Variants in PPP1R1B observed in about 807,000 individuals in gnomAD.
PPP1R1B encodes protein phosphatase 1 regulatory inhibitor subunit 1B.
In PPP1R1B, 13 loss-of-function variants were observed where a neutral mutation model predicts 28.2. That is an observed-to-expected ratio of 0.46 (90% CI 0.30 to 0.73). The LOEUF (loss-of-function observed/expected upper bound fraction) is 0.73, where lower values mean the gene tolerates loss of function less well. Ranked by LOEUF, PPP1R1B falls within the 30% of genes least tolerant of loss-of-function variation. PPP1R1B has a pLI of 0.07. For missense variants in PPP1R1B, 236 were observed against 256.7 expected (o/e 0.92, Z 0.55); for synonymous variants, 102 against 97.5 (o/e 1.05, Z -0.27).
chr17:39,628,048 G>A (rs541126736), intron 1 of PPP1R1B, among the ~76,000 whole-genome samples: 1 of 152,210 alleles, frequency 6.6e-6, no homozygotes, highest in African/African-American at 2.4e-5. Context: ...GGAGAGGTGG[G>A]GAGTCATCAC....
intron 1 of PPP1R1B, 87 bp from the exon 2 acceptor site, chr17:39,629,083 C>A: frequency 7.7e-7 from 1 of 1,302,842 alleles, no homozygotes; most frequent in Non-Finnish European, 1.1e-6. Context: ...TCCCTGGGGA[C>A]TCCAAAGCAC....
At chr17:39,634,853 C>A (rs938243211) in intron 5 of PPP1R1B, among the ~76,000 whole-genome samples, 8 of 152,202 alleles carry the variant, frequency 5.3e-5, no homozygotes, top group Admixed American at 6.5e-5. Context: ...CTCACTGAGA[C>A]CCCTCCAAAA....
At chr17:39,634,822 G>C (rs1370674264) in intron 5 of PPP1R1B, among the ~76,000 whole-genome samples, 1 of 152,246 alleles carries the variant, frequency 6.6e-6, no homozygotes, top group Non-Finnish European at 1.5e-5. Context: ...GCAAGAGACA[G>C]CTGGAAGACC....
In PPP1R1B at chr17:39,635,711, G is replaced by A. The variant is rs746964011; in HGVS notation, c.550G>A (p.Asp184Asn). 3.7e-6 allele frequency: 6 copies of A among 1,614,038 alleles called. No individual in the cohort carries two copies. Among genetic ancestry groups the A allele is most frequent in the Non-Finnish European group, 5.1e-6 (6 of 1,180,028 alleles). ...TGGAGGCTCTGAGGACCAAGTGGAA[G>A]ACCCAGCACTAAGTGGTAAGGCTTG... The part of the protein sequence containing the change: ...RDGGSEDQVE[D>N]PALSEPGEEP... Residue 184 changes from aspartate to asparagine, a missense_variant, in exon 6 of 7, where the codon GAC becomes AAC. Transcript: ENST00000254079.
At chr17:39,629,077 T>C (rs2056856825) in intron 1 of PPP1R1B, 93 bp from the exon 2 acceptor site, 2 of 1,195,980 alleles carry the variant, frequency 1.7e-6, no homozygotes, top group East Asian at 4.9e-5. Flanking sequence ...AAAGGTTCCC[T>C]GGGGACTCCA....
In PPP1R1B at chr17:39,627,469, A is replaced by C; in HGVS notation, c.77A>C (p.Glu26Ala). ...AGCCAGCTCGACCCCCGCCAGGTGG[A>C]GATGGTAAGGGGCCCGTGCCCCACC... is the stretch of plus-strand genomic sequence containing the variant. ...PPSQLDPRQV[E>A]MIRRRRPTPA... Residue 26 changes from glutamate to alanine, a missense_variant, in exon 1 of 7, where the codon GAG becomes GCG. Transcript: ENST00000254079. 7.0e-6 allele frequency: 11 copies of C among 1,572,838 alleles called. No individual in the cohort carries two copies. Among genetic ancestry groups the C allele is most frequent in the Non-Finnish European group, 9.5e-6 (11 of 1,156,026 alleles).
chr17:39,630,787 G>A (rs572703207), intron 4 of PPP1R1B, among the ~76,000 whole-genome samples: 12 of 152,244 alleles, frequency 7.9e-5, no homozygotes, highest in African/African-American at 2.9e-4. Flanking sequence ...TGAGCTAAGC[G>A]GGCCGGGCGC....
chr17:39,629,363 C>G (rs1355050778), intron 2 of PPP1R1B, 133 bp downstream of exon 2: 13 of 1,255,030 alleles, frequency 1.0e-5, no homozygotes, highest in Admixed American at 1.7e-5. Flanking sequence ...GAACCCAACT[C>G]TATTGGCTTT....
rs2056843454 is a variant in PPP1R1B, at chr17:39,627,174, CCCG to C, written c.-218_-216del. 4 of 481,954 alleles carry C rather than the reference CCCG, an allele frequency of 8.3e-6. No homozygotes were observed. Among genetic ancestry groups the C allele is most frequent in the Non-Finnish European group, 1.5e-5 (4 of 275,140 alleles). The allele number at this position is 481,954 out of a possible 1,614,324, so 29.9% of individuals were successfully genotyped here. On this transcript the variant is annotated 5_prime_UTR_variant, in exon 1 of 7. Coordinates refer to ENST00000254079, the MANE Select transcript of PPP1R1B (RefSeq NM_032192.4). ...GGCTCAGCGAGCGCGGGGGGCGAGCCCCGAGTCCCGAGAGCCTGGGGGCGCGCC... is the reference window on the plus strand; with the variant it reads ...GGCTCAGCGAGCGCGGGGGGCGAGCCAGTCCCGAGAGCCTGGGGGCGCGCC...
Position 39,628,642 on chromosome 17 carries a change from C to T in PPP1R1B, c.82-528C>T, listed in dbSNP as rs540984122. The T allele has an allele frequency of 3.0e-4, 292 of 986,128 alleles. 1 individual carries two copies. In the African/African-American group the frequency reaches 3.4e-3, roughly 12 times the overall value. The allele number at this position is 986,128 out of a possible 1,614,324, so 61.1% of individuals were successfully genotyped here. A position where few individuals can be genotyped will look rare whatever the true frequency, so the allele number is the denominator to read the frequency against. ...CTGGAGGTGGGGGGTGCCTGCAGTG[C>T]GCTGGCTCAGTCTCCTTCTGAAAAG... is the stretch of plus-strand genomic sequence containing the variant. On this transcript the variant is annotated intron_variant, in intron 1 of 6. Transcript: ENST00000254079.
chr17:39,636,572 C>T lies in PPP1R1B; in HGVS notation c.*707C>T, dbSNP rs1391671771. On this transcript the variant is annotated 3_prime_UTR_variant, in exon 7 of 7. Coordinates refer to ENST00000254079, the MANE Select transcript of PPP1R1B (RefSeq NM_032192.4). Reference sequence around the variant, plus strand: ...GCTGCTCTGCCCCTTTCCCCTTCTTCCCTGACTCCAGGCCTGAACCCCTCC... The same window carrying T: ...GCTGCTCTGCCCCTTTCCCCTTCTTTCCTGACTCCAGGCCTGAACCCCTCC... The T allele has an allele frequency of 6.5e-6, 1 of 152,700 alleles. No homozygotes were observed. The highest frequency in any genetic ancestry group is 2.4e-5 in the African/African-American group (1 of 41,426). 9.5% of individuals were successfully genotyped at this position (152,700 alleles called of 1,614,324 possible). A position where few individuals can be genotyped will look rare whatever the true frequency, so the allele number is the denominator to read the frequency against.
chr17:39,634,744 G>A (rs1406241864), intron 5 of PPP1R1B, among the ~76,000 whole-genome samples: 1 of 152,248 alleles, frequency 6.6e-6, no homozygotes, highest in Non-Finnish European at 1.5e-5. Context: ...CCTCCTGCCT[G>A]CATATCTGGC....
Position 39,635,248 on chromosome 17 carries a change from A to G in PPP1R1B, c.446-359A>G, listed in dbSNP as rs183885100. On this transcript the variant is annotated intron_variant, in intron 5 of 6. Transcript: ENST00000254079. ...AACAACAAAAAAAAACAAACAAACA[A>G]AAAATGCAGAAGGGCACCGGGTCAA... Among the ~76,000 whole-genome samples, 812 of 152,178 alleles carry G rather than the reference A, an allele frequency of 5.3e-3. 8 individuals carry two copies. Among genetic ancestry groups the G allele is most frequent in the Non-Finnish European group, 5.4e-3 (370 of 68,012 alleles).
At position 39,629,592 on chromosome 17, in the gene PPP1R1B, G is replaced by A. The variant is rs569292235; in HGVS notation, c.165+30G>A. 66 of 1,613,060 alleles carry A rather than the reference G, an allele frequency of 4.1e-5. No individual in the cohort carries two copies. In the Admixed American group the frequency reaches 9.0e-4, roughly 22 times the overall value. On this transcript the variant is annotated intron_variant, in intron 3 of 6. Coordinates refer to ENST00000254079, the MANE Select transcript of PPP1R1B (RefSeq NM_032192.4). ...GTTTCCTGGGGCAGCTGGAAGGAGGGATGCCTGGGCCCCTTGGGGTGGGGT... is the reference window on the plus strand; with the variant it reads ...GTTTCCTGGGGCAGCTGGAAGGAGGAATGCCTGGGCCCCTTGGGGTGGGGT...
intron 1 of PPP1R1B, chr17:39,628,828 G>T: frequency 2.0e-6 from 1 of 501,410 alleles, no homozygotes. Context: ...AAACTGGAGA[G>T]AGGAAGGGCC....
intron 5 of PPP1R1B, 28 bp downstream of exon 5, chr17:39,634,114 AT>A (rs2056899586): frequency 6.2e-6 from 10 of 1,612,578 alleles, no homozygotes; most frequent in Middle Eastern, 1.8e-4. Context: ...TGACATGTGG[AT>A]TAGCTGTGGG....
At chr17:39,628,337 G>A (rs1423738922) in intron 1 of PPP1R1B, among the ~76,000 whole-genome samples, 1 of 151,904 alleles carries the variant, frequency 6.6e-6, no homozygotes, top group Non-Finnish European at 1.5e-5. Context: ...TGGCTGGGGA[G>A]GTGGCAGTTT....
At chr17:39,632,803 CATAG>C (rs2056888562) in intron 4 of PPP1R1B, 1 of 152,202 alleles carries the variant, frequency 6.6e-6, no homozygotes, top group Admixed American at 6.5e-5. Context: ...TTGGCAGGAG[CATAG>C]CACCCTGCTC....
intron 2 of PPP1R1B, 50 bp downstream of exon 2, chr17:39,629,280 C>G (rs990879563): frequency 6.4e-7 from 1 of 1,565,400 alleles, no homozygotes; most frequent in African/African-American, 1.4e-5. Flanking sequence ...AGCTCTGATG[C>G]CTTCCTAGGG....
Sources: gnomAD v4.1 joint callset for allele counts (sites outside exome capture counted in the v4.1 genomes callset) on GRCh38, gnomAD v4.1.1 for gene constraint, MANE v1.5 for transcripts, NCBI Gene and HGNC (gene_info 2026-07-23, HGNC 2026-07-21) for gene names.